Variants in CPLANE1 observed in about 807,000 individuals in gnomAD.
CPLANE1 encodes ciliogenesis and planar polarity effector 1.
Under a neutral mutation model 362.5 loss-of-function variants are expected in CPLANE1, and 263 were observed. The observed-to-expected ratio is 0.73, with a 90% CI of 0.66 to 0.80. CPLANE1 has a LOEUF of 0.80. CPLANE1 is among the 30% of genes least tolerant of loss of function. The pLI is 0.00. For missense variants in CPLANE1, 3,461 were observed against 3,793.4 expected (o/e 0.91, Z 2.30); for synonymous variants, 1,212 against 1,302.6 (o/e 0.93, Z 1.50).
In CPLANE1 at chr5:37,142,595, A is replaced by G. The variant is rs1770112832; in HGVS notation, c.8462-115T>C. On this transcript the variant is annotated intron_variant, in intron 43 of 52. Coordinates refer to ENST00000651892, the MANE Select transcript of CPLANE1 (RefSeq NM_001384732.1). ...AACCCAGATATTAGAAGTTTGTCAC[A>G]TATTATGCTAATAGCTTTCTACTGT... The G allele has an allele frequency of 9.6e-6, 6 of 622,170 alleles. No homozygotes were observed. The South Asian group carries it at 1.6e-4, about 16-fold the overall frequency. 38.5% of individuals were successfully genotyped at this position (622,170 alleles called of 1,614,324 possible). A position where few individuals can be genotyped will look rare whatever the true frequency, so the allele number is the denominator to read the frequency against.
In CPLANE1 at chr5:37,180,016, C is replaced by T. The variant is rs1160570364; in HGVS notation, c.5737+1G>A. 9.8e-6 allele frequency: 15 copies of T among 1,531,522 alleles called. No homozygotes were observed. The highest frequency in any genetic ancestry group is 1.3e-5 in the Non-Finnish European group (15 of 1,143,672). 94.9% of individuals were successfully genotyped at this position (1,531,522 alleles called of 1,614,324 possible). A position where few individuals can be genotyped will look rare whatever the true frequency, so the allele number is the denominator to read the frequency against. ...AAAATAGATTATCTAAATGAACTGACCTTCATAGTCTGATATGTGCATATC... is the reference window on the plus strand; with the variant it reads ...AAAATAGATTATCTAAATGAACTGATCTTCATAGTCTGATATGTGCATATC... On this transcript the variant is annotated splice_donor_variant, in intron 28 of 52. Coordinates refer to ENST00000651892, the MANE Select transcript of CPLANE1 (RefSeq NM_001384732.1). LOFTEE classifies it high-confidence loss of function.
At chr5:37,207,401 G>A (rs1189440221) in intron 16 of CPLANE1, among the ~76,000 whole-genome samples, 1 of 152,210 alleles carries the variant, frequency 6.6e-6, no homozygotes, top group Admixed American at 6.5e-5. Context: ...AAGGAGCCAG[G>A]AGACTGGCTA....
intron 21 of CPLANE1, among the ~76,000 whole-genome samples, chr5:37,194,342 CA>C (rs1314657042): frequency 6.6e-6 from 1 of 152,130 alleles, no homozygotes; most frequent in Non-Finnish European, 1.5e-5. Flanking sequence ...AATATGTGTT[CA>C]AATCTTTATT....
Position 37,217,435 on chromosome 5 carries a change from G to A in CPLANE1, c.2747-3703C>T, listed in dbSNP as rs375060755. On this transcript the variant is annotated intron_variant, in intron 15 of 52. Coordinates refer to ENST00000651892, the MANE Select transcript of CPLANE1 (RefSeq NM_001384732.1). ...AGCCTGGCCAATATGGTGAAACCCC[G>A]TCTCTACTAAAAATACAAAAAATTA... 3.3e-5 allele frequency among the ~76,000 whole-genome samples: 5 copies of A among 151,384 alleles called. No homozygotes were observed. The South Asian group carries it at 8.4e-4, about 25-fold the overall frequency.
Position 37,209,625 on chromosome 5 carries a change from G to A in CPLANE1, c.2921-3200C>T, listed in dbSNP as rs1275562012. On this transcript the variant is annotated intron_variant, in intron 16 of 52. Coordinates refer to ENST00000651892, the MANE Select transcript of CPLANE1 (RefSeq NM_001384732.1). This position sits in a 1 kb window ranked among gnomAD's most constrained non-coding sequence, Gnocchi z 4.6. ...AGATCACTTACAAAGATGTGGCTGTGAATATTCACTTTCTGTTTTCTTTCT... is the reference window on the plus strand; with the variant it reads ...AGATCACTTACAAAGATGTGGCTGTAAATATTCACTTTCTGTTTTCTTTCT... 24 of 1,437,718 alleles carry A rather than the reference G, an allele frequency of 1.7e-5. No homozygotes were observed. The highest frequency in any genetic ancestry group is 2.4e-5 in the Non-Finnish European group (24 of 1,021,034). 89.1% of individuals were successfully genotyped at this position (1,437,718 alleles called of 1,614,324 possible). A position where few individuals can be genotyped will look rare whatever the true frequency, so the allele number is the denominator to read the frequency against.
intron 19 of CPLANE1, among the ~76,000 whole-genome samples, chr5:37,200,345 C>T (rs959228518): frequency 2.6e-5 from 4 of 152,146 alleles, no homozygotes; most frequent in African/African-American, 9.7e-5. Context: ...TCAAACTACT[C>T]GAACTATTAT....
rs1465310020 is a variant in CPLANE1 at position 37,245,578 on chromosome 5, G to A, written c.238C>T (p.Leu80=). 1 of 1,519,268 alleles carries A rather than the reference G, an allele frequency of 6.6e-7. No individual in the cohort carries two copies. The highest frequency in any genetic ancestry group is 1.3e-5 in the South Asian group (1 of 76,868). 94.1% of individuals were successfully genotyped at this position (1,519,268 alleles called of 1,614,324 possible). A position where few individuals can be genotyped will look rare whatever the true frequency, so the allele number is the denominator to read the frequency against. ...SSNDAWLAGV[L]TTGELFLWNK... ...CAAAGGAAAAGCTCTCCTGTAGTTA[G>A]TACCCCAGCCAGCCAGGCATCTGTT... Residue 80 remains leucine, a synonymous_variant, in exon 4 of 53, where the codon CTA becomes TTA. Coordinates refer to ENST00000651892, the MANE Select transcript of CPLANE1 (RefSeq NM_001384732.1).
chr5:37,195,319 G>A (rs1461695750), intron 21 of CPLANE1, among the ~76,000 whole-genome samples: 1 of 152,170 alleles, frequency 6.6e-6, no homozygotes, highest in East Asian at 1.9e-4. Context: ...AATTAATTTA[G>A]GTCAGGCGCA....
At chr5:37,166,442 G>T (rs1778266104) in intron 35 of CPLANE1, among the ~76,000 whole-genome samples, 1 of 152,156 alleles carries the variant, frequency 6.6e-6, no homozygotes, top group South Asian at 2.1e-4. Flanking sequence ...AGTTATCAGA[G>T]TTCAACCATG....
At chr5:37,085,461 C>A in the CPLANE1 span, 1 of 848,808 alleles carries the variant, frequency 1.2e-6, no homozygotes, top group Admixed American at 1.7e-5. Flanking sequence ...AAAAGGAATC[C>A]CTCATCTGGT....
rs1483459603 is a variant in CPLANE1, at chr5:37,209,906, T to C, written c.2921-3481A>G. 7.0e-7 allele frequency: 1 copy of C among 1,429,148 alleles called. No homozygotes were observed. The highest frequency in any genetic ancestry group is 9.9e-7 in the Non-Finnish European group (1 of 1,013,420). The allele number at this position is 1,429,148 out of a possible 1,614,324, so 88.5% of individuals were successfully genotyped here. ...CTGAGAAGCTTCAGCTTATTGATGA[T>C]CAGTTTGCAGATGCTTACCCTCAGC... is the stretch of plus-strand genomic sequence containing the variant. On this transcript the variant is annotated intron_variant, in intron 16 of 52. Transcript: ENST00000651892. The surrounding 1 kb of genome is among the most constrained non-coding windows in gnomAD (Gnocchi z 4.6).
At chr5:37,111,307 G>C (rs1429889407) in intron 51 of CPLANE1, among the ~76,000 whole-genome samples, 2 of 149,918 alleles carry the variant, frequency 1.3e-5, no homozygotes, top group African/African-American at 4.9e-5. Context: ...TGTATTTTTA[G>C]TAGAGACGGG....
At chr5:37,121,881 G>GTTTTTT in intron 48 of CPLANE1, 97 bp from the exon 49 acceptor site, 1 of 722,716 alleles carries the variant, frequency 1.4e-6, no homozygotes, top group Non-Finnish European at 2.1e-6. Context: ...GCATGTTCTG[G>GTTTTTT]TTTTTTTTTT....
intron 42 of CPLANE1, 82 bp from the exon 43 acceptor site, chr5:37,148,350 AC>A: frequency 1.0e-6 from 1 of 988,566 alleles, no homozygotes; most frequent in Non-Finnish European, 1.5e-6. Context: ...TAAGTTTTAA[AC>A]ACTTGCATTA....
intron 21 of CPLANE1, among the ~76,000 whole-genome samples, chr5:37,188,922 C>A (rs369464468): frequency 6.6e-6 from 1 of 152,056 alleles, no homozygotes; most frequent in African/African-American, 2.4e-5. Flanking sequence ...TGCAGTGGTG[C>A]GATCTTGGCC....
chr5:37,157,167 C>T (rs1180562014), intron 41 of CPLANE1, 146 bp downstream of exon 41: 1 of 330,044 alleles, frequency 3.0e-6, no homozygotes, highest in African/African-American at 2.1e-5. Context: ...AATCATGTCT[C>T]TATTTCATTT....
At chr5:37,216,176 A>T (rs1043223061) in intron 15 of CPLANE1, among the ~76,000 whole-genome samples, 5 of 152,086 alleles carry the variant, frequency 3.3e-5, no homozygotes, top group South Asian at 2.1e-4. Flanking sequence ...TAGATCTGAG[A>T]ATCTTAATAT....
intron 29 of CPLANE1, among the ~76,000 whole-genome samples, chr5:37,178,319 A>T (rs1781755690): frequency 6.6e-6 from 1 of 151,948 alleles, no homozygotes; most frequent in Admixed American, 6.6e-5. Context: ...AAAATAAAAA[A>T]GAATTGTTAC....
chr5:37,161,921 T>C (rs1041767654), intron 38 of CPLANE1, among the ~76,000 whole-genome samples: 8 of 152,308 alleles, frequency 5.3e-5, no homozygotes, highest in Admixed American at 2.6e-4. Flanking sequence ...GTAAAAGAAA[T>C]TGTTTACTAA....
Sources: gnomAD v4.1 joint callset for allele counts (sites outside exome capture counted in the v4.1 genomes callset) on GRCh38, gnomAD v4.1.1 for gene constraint, Gnocchi (gnomAD v3.1) non-coding constraint, MANE v1.5 for transcripts, NCBI Gene and HGNC (gene_info 2026-07-23, HGNC 2026-07-21) for gene names.